Variants in TBC1D5 observed in about 807,000 individuals in gnomAD.
The protein encoded by TBC1D5 is TBC1 domain family member 5.
In TBC1D5, 75 loss-of-function variants were observed where a neutral mutation model predicts 100.3. The ratio of observed to expected loss-of-function variants is 0.75; its 90% CI spans 0.62 to 0.91. The LOEUF is 0.91. Among genes scored for constraint, TBC1D5 ranks in the 40% least tolerant of loss-of-function variants. The probability of loss-of-function intolerance (pLI) is 0.00; values close to 1 mark genes in which losing one functional copy is unlikely to be tolerated. For synonymous variants in TBC1D5, 323 were observed against 325.6 expected, an observed-to-expected ratio of 0.99 and a Z score of 0.09; for missense variants, 910 against 942.4, an observed-to-expected ratio of 0.97 and a Z score of 0.45.
intron 2 of TBC1D5, among the ~76,000 whole-genome samples, chr3:17,566,192 T>A (rs746666004): frequency 4.3e-4 from 66 of 152,166 alleles, no homozygotes; most frequent in Non-Finnish European, 6.9e-4. Context: ...TTGTACACAC[T>A]AAGAGTTCAT....
In TBC1D5 at chr3:17,504,872, C is replaced by A. The variant is rs573851320; in HGVS notation, c.97+3602G>T. On this transcript the variant is annotated intron_variant, in intron 3 of 21. Coordinates refer to ENST00000253692, the Ensembl canonical transcript of TBC1D5. ...AACACTAAAGATCATGATAGGACAG[C>A]ATCATCTTATTATATCGACATCAGT... 2.0e-5 allele frequency among the ~76,000 whole-genome samples: 3 copies of A among 152,338 alleles called. No individual in the cohort carries two copies. In the South Asian group the frequency reaches 6.2e-4, roughly 32 times the overall value.
intron 19 of TBC1D5, among the ~76,000 whole-genome samples, chr3:17,170,453 G>A (rs1464805604): frequency 1.3e-5 from 2 of 152,174 alleles, no homozygotes; most frequent in Non-Finnish European, 2.9e-5. Context: ...AGCACAAAGG[G>A]GGAATCTGCA....
At chr3:17,386,505 A>G (rs1278651674) in intron 8 of TBC1D5, among the ~76,000 whole-genome samples, 1 of 152,160 alleles carries the variant, frequency 6.6e-6, no homozygotes, top group African/African-American at 2.4e-5. Flanking sequence ...TTCTTTGCAC[A>G]TCGTGAACTA....
intron 2 of TBC1D5, among the ~76,000 whole-genome samples, chr3:17,532,730 G>T (rs940683645): frequency 1.3e-5 from 2 of 151,350 alleles, no homozygotes; most frequent in African/African-American, 2.4e-5. Context: ...GCAAACTATC[G>T]CAAGGACAAA....
In TBC1D5 at chr3:17,381,099, C is replaced by G. The variant is rs563629988; in HGVS notation, c.612+2814G>C. Among the ~76,000 whole-genome samples, 148 of 152,032 alleles carry G rather than the reference C, an allele frequency of 9.7e-4. 1 individual carries two copies. In the South Asian group the frequency reaches 0.017, roughly 17 times the overall value. On this transcript the variant is annotated intron_variant, in intron 9 of 21. Coordinates refer to ENST00000253692, the Ensembl canonical transcript of TBC1D5. ...AGTAATTAAATATTTTAAAATGACA[C>G]CCAGGAGTAAGTTAATAATAGTTTC...
At chr3:17,473,311 AATAATTAT>A (rs1357373462) in intron 3 of TBC1D5, among the ~76,000 whole-genome samples, 1 of 152,190 alleles carries the variant, frequency 6.6e-6, no homozygotes, top group East Asian at 1.9e-4. Flanking sequence ...TTAATAAAAG[AATAATTAT>A]CTTGAGCAAT....
At chr3:17,217,179 T>C (rs755104631) in intron 17 of TBC1D5, among the ~76,000 whole-genome samples, 11 of 152,132 alleles carry the variant, frequency 7.2e-5, no homozygotes, top group Non-Finnish European at 1.6e-4. Flanking sequence ...TGCTTAAAAG[T>C]TCATCTATGT....
At chr3:17,211,383 A>T (rs1427521558) in intron 18 of TBC1D5, among the ~76,000 whole-genome samples, 1 of 152,234 alleles carries the variant, frequency 6.6e-6, no homozygotes, top group Non-Finnish European at 1.5e-5. Flanking sequence ...CAAATCTAGC[A>T]TTTAAGTATA....
At chr3:17,224,539 G>C (rs374466419) in intron 17 of TBC1D5, among the ~76,000 whole-genome samples, 1 of 152,160 alleles carries the variant, frequency 6.6e-6, no homozygotes, top group South Asian at 2.1e-4. Context: ...CATTTCAAGA[G>C]CTCAGTGGCT....
chr3:17,387,822 A>C (rs1231917689), intron 8 of TBC1D5, among the ~76,000 whole-genome samples: 1 of 151,508 alleles, frequency 6.6e-6, no homozygotes, highest in African/African-American at 2.4e-5. Context: ...TGAAAAATCA[A>C]CAATGATGTT....
chr3:17,647,948 A>G (rs1010513105), intron 1 of TBC1D5, among the ~76,000 whole-genome samples: 3 of 152,192 alleles, frequency 2.0e-5, no homozygotes, highest in Non-Finnish European at 4.4e-5. Context: ...CTATCACACT[A>G]CCAACAACAT....
At chr3:17,680,032 T>C (rs377676124) in intron 1 of TBC1D5, among the ~76,000 whole-genome samples, 1 of 151,498 alleles carries the variant, frequency 6.6e-6, no homozygotes, top group South Asian at 2.1e-4. Flanking sequence ...CTAAAAGTCT[T>C]ACATTAAGAA....
intron 2 of TBC1D5, among the ~76,000 whole-genome samples, chr3:17,606,157 G>C (rs1371258550): frequency 6.6e-6 from 1 of 152,108 alleles, no homozygotes; most frequent in Non-Finnish European, 1.5e-5. Flanking sequence ...AAGTATTTTA[G>C]GGCTGCGTAC....
At chr3:17,703,682 G>T (rs2073527675) in intron 1 of TBC1D5, among the ~76,000 whole-genome samples, 1 of 151,844 alleles carries the variant, frequency 6.6e-6, no homozygotes, top group African/African-American at 2.4e-5. Flanking sequence ...ATAGAACAGG[G>T]GATCACAAGC....
intron 3 of TBC1D5, among the ~76,000 whole-genome samples, chr3:17,434,732 T>A (rs535507133): frequency 1.1e-3 from 166 of 152,270 alleles, no homozygotes; most frequent in Non-Finnish European, 1.9e-3. Context: ...CTGGAGACAT[T>A]TTCCCCATTG....
chr3:17,217,860 T>C (rs1003479618), intron 17 of TBC1D5, among the ~76,000 whole-genome samples: 2 of 152,094 alleles, frequency 1.3e-5, no homozygotes, highest in African/African-American at 2.4e-5. Flanking sequence ...AACTGCTTAA[T>C]TGGATGAAGT....
At chr3:17,356,613 G>A (rs2091233026) in intron 13 of TBC1D5, among the ~76,000 whole-genome samples, 1 of 152,124 alleles carries the variant, frequency 6.6e-6, no homozygotes, top group Admixed American at 6.6e-5. Context: ...ATTTTTAAAA[G>A]ATACAGCAGC....
At chr3:17,729,628 A>T (rs1437271670) in intron 1 of TBC1D5, among the ~76,000 whole-genome samples, 1 of 152,070 alleles carries the variant, frequency 6.6e-6, no homozygotes, top group East Asian at 1.9e-4. Flanking sequence ...AATCGCTTGA[A>T]CCTGGGAGGC....
chr3:17,574,292 C>T (rs2096644711), intron 2 of TBC1D5, among the ~76,000 whole-genome samples: 2 of 152,042 alleles, frequency 1.3e-5, no homozygotes, highest in Non-Finnish European at 2.9e-5. Context: ...AGGGCCTCAT[C>T]TGTTCCCCCG....
Sources: gnomAD v4.1 joint callset for allele counts (sites outside exome capture counted in the v4.1 genomes callset) on GRCh38, gnomAD v4.1.1 for gene constraint, MANE v1.5 for transcripts, NCBI Gene and HGNC (gene_info 2026-07-23, HGNC 2026-07-21) for gene names.